The following PLEKHM3 variants were observed in gnomAD, a reference collection of about 807,000 sequenced individuals.
The protein encoded by PLEKHM3 is pleckstrin homology domain containing M3.
A neutral mutation model predicts 81.8 loss-of-function variants in PLEKHM3; 45 were observed. The ratio of observed to expected loss-of-function variants is 0.55; its 90% CI spans 0.43 to 0.71. The LOEUF (loss-of-function observed/expected upper bound fraction) is 0.71. PLEKHM3 is among the 30% of genes least tolerant of loss of function. PLEKHM3 has a pLI of 0.00. For missense variants in PLEKHM3, 788 were observed against 924.3 expected (o/e 0.85, Z 1.91); for synonymous variants, 352 against 356.4 (o/e 0.99, Z 0.14).
intron 3 of PLEKHM3, among the ~76,000 whole-genome samples, chr2:207,967,197 G>A (rs988476936): frequency 1.3e-5 from 2 of 151,968 alleles, no homozygotes; most frequent in African/African-American, 4.8e-5. Context: ...GTCTTGCTAT[G>A]TTGCTCAGGC....
chr2:207,944,703 C>T (rs1690063720), intron 4 of PLEKHM3, among the ~76,000 whole-genome samples: 1 of 152,156 alleles, frequency 6.6e-6, no homozygotes, highest in South Asian at 2.1e-4. Context: ...TACCTACTGG[C>T]CCCTATGGCT....
At chr2:207,922,931 C>G (rs549544121) in intron 5 of PLEKHM3, among the ~76,000 whole-genome samples, 17 of 152,152 alleles carry the variant, frequency 1.1e-4, no homozygotes, top group Non-Finnish European at 2.1e-4. Flanking sequence ...AGAGGCAGCA[C>G]TTGAGTTGGC....
chr2:207,952,519 T>C (rs1211978249), intron 3 of PLEKHM3, among the ~76,000 whole-genome samples: 1 of 152,222 alleles, frequency 6.6e-6, no homozygotes, highest in Non-Finnish European at 1.5e-5. Flanking sequence ...TCTCTAACCA[T>C]TGGCTCATTA....
At chr2:208,020,950 A>T (rs1460630357) in intron 1 of PLEKHM3, among the ~76,000 whole-genome samples, 1 of 152,218 alleles carries the variant, frequency 6.6e-6, no homozygotes, top group Admixed American at 6.5e-5. Flanking sequence ...AATCCTAAAA[A>T]AACTGCCCAG....
At chr2:207,931,883 G>A (rs1484702606) in intron 4 of PLEKHM3, among the ~76,000 whole-genome samples, 3 of 152,226 alleles carry the variant, frequency 2.0e-5, no homozygotes, top group African/African-American at 7.2e-5. Flanking sequence ...TAAGGCGGGA[G>A]AATTGCTTGA....
chr2:207,989,794 T>C (rs1691839529), intron 2 of PLEKHM3, among the ~76,000 whole-genome samples: 1 of 152,228 alleles, frequency 6.6e-6, no homozygotes, highest in African/African-American at 2.4e-5. Flanking sequence ...CATCAGACAG[T>C]TGGAGGATGC....
chr2:207,883,670 C>T (rs1687783310), intron 6 of PLEKHM3, among the ~76,000 whole-genome samples: 1 of 152,092 alleles, frequency 6.6e-6, no homozygotes, highest in Admixed American at 6.5e-5. Flanking sequence ...CAGCACTCAA[C>T]TAACATGGGT....
Position 207,976,620 on chromosome 2 carries a change from A to T in PLEKHM3, c.1546+31T>A, listed in dbSNP as rs1023176643. On this transcript the variant is annotated intron_variant, in intron 3 of 7. Transcript: ENST00000427836. The surrounding 1 kb of genome is among the most constrained non-coding windows in gnomAD (Gnocchi z 4.1). ...TTGTGGGGTTCAGGATTGTTCTTTA[A>T]TGAGCTATAGGCTGAAAATCTGCTT... The T allele has an allele frequency of 1.3e-6, 2 of 1,580,210 alleles. No homozygotes were observed. The highest frequency in any genetic ancestry group is 2.7e-5 in the African/African-American group (2 of 73,900).
chr2:207,842,249 T>C (rs922885053), intron 7 of PLEKHM3, among the ~76,000 whole-genome samples: 3 of 152,204 alleles, frequency 2.0e-5, no homozygotes, highest in East Asian at 1.9e-4. Context: ...CTTTTTATTA[T>C]AGTTTTATTT....
rs890575627 is a variant in PLEKHM3 at position 207,845,803 on chromosome 2, A to T, written c.2108+15302T>A. ...AGTTACTAAGTGTTGTCTTAGATGG[A>T]GCAGTGAGCAAAATATAAAAAGTCT... is the stretch of plus-strand genomic sequence containing the variant. On this transcript the variant is annotated intron_variant, in intron 7 of 7. Coordinates refer to ENST00000427836, the MANE Select transcript of PLEKHM3 (RefSeq NM_001080475.3). 1.0e-3 allele frequency among the ~76,000 whole-genome samples: 159 copies of T among 152,344 alleles called. 1 individual carries two copies. Among genetic ancestry groups the T allele is most frequent in the African/African-American group, 3.8e-3 (156 of 41,578 alleles).
intron 1 of PLEKHM3, among the ~76,000 whole-genome samples, chr2:208,012,166 C>T (rs1038892707): frequency 6.6e-6 from 1 of 151,194 alleles, no homozygotes; most frequent in Non-Finnish European, 1.5e-5. Context: ...CTCAGCCTCC[C>T]GAGTAGCTGG....
At chr2:207,998,923 C>T (rs1393348066) in intron 2 of PLEKHM3, among the ~76,000 whole-genome samples, 1 of 152,070 alleles carries the variant, frequency 6.6e-6, no homozygotes, top group Non-Finnish European at 1.5e-5. Context: ...ACTGCTTGTA[C>T]ATGAGCTCAA....
At position 207,946,412 on chromosome 2, in the gene PLEKHM3, G is replaced by A; in HGVS notation, c.1647C>T (p.Leu549=). 6.2e-7 allele frequency: 1 copy of A among 1,614,200 alleles called. No individual in the cohort carries two copies. Residue 549 remains leucine, a synonymous_variant, in exon 4 of 8, where the codon CTC becomes CTT. Coordinates refer to ENST00000427836, the MANE Select transcript of PLEKHM3 (RefSeq NM_001080475.3). ...AGTTGTGGACTATGCGTGCTGGAATGAGAAAGCTGTCATCCACGTGGCAGC... is the reference window on the plus strand; with the variant it reads ...AGTTGTGGACTATGCGTGCTGGAATAAGAAAGCTGTCATCCACGTGGCAGC... ...CSSCHVDDSF[L]IPARIVHNWD...
rs869041855 is a variant in PLEKHM3 at position 207,923,905 on chromosome 2, AT to A, written c.1886+7020del. Among the ~76,000 whole-genome samples, 143 of 28,344 alleles carry A rather than the reference AT, an allele frequency of 5.0e-3. 1 individual carries two copies. Among genetic ancestry groups the A allele is most frequent in the Admixed American group, 0.017 (22 of 1,294 alleles). 18.6% of individuals were successfully genotyped at this position (28,344 alleles called of 152,430 possible). A position where few individuals can be genotyped will look rare whatever the true frequency, so the allele number is the denominator to read the frequency against. On this transcript the variant is annotated intron_variant, in intron 5 of 7. Transcript: ENST00000427836. ...CATATATATATATATATATATATAT[AT>A]TTTTTTTTTTTTTTTTTTCTGAGGC...
At chr2:207,999,942 T>C (rs1692241138) in intron 2 of PLEKHM3, among the ~76,000 whole-genome samples, 1 of 152,230 alleles carries the variant, frequency 6.6e-6, no homozygotes, top group South Asian at 2.1e-4. Flanking sequence ...GTCTCCTAGT[T>C]AATTGAGTAG....
At chr2:207,930,675 C>A (rs376668356) in intron 5 of PLEKHM3, among the ~76,000 whole-genome samples, 317 of 152,208 alleles carry the variant, frequency 2.1e-3, no homozygotes, top group Middle Eastern at 6.8e-3. Flanking sequence ...CCTGGGCACT[C>A]GATCCATGGG....
intron 3 of PLEKHM3, among the ~76,000 whole-genome samples, chr2:207,972,416 G>A (rs920190771): frequency 2.0e-5 from 3 of 151,922 alleles, no homozygotes; most frequent in East Asian, 3.9e-4. Flanking sequence ...GCAAAACCCC[G>A]TCTCTACTAA....
At chr2:207,936,283 T>A (rs1405117677) in intron 4 of PLEKHM3, among the ~76,000 whole-genome samples, 1 of 152,138 alleles carries the variant, frequency 6.6e-6, no homozygotes, top group African/African-American at 2.4e-5. Flanking sequence ...ATTTGTGTAT[T>A]TTTTTTACTG....
At chr2:207,858,180 A>ATATATATATATATT (rs751293954) in intron 7 of PLEKHM3, among the ~76,000 whole-genome samples, 41 of 103,846 alleles carry the variant, frequency 3.9e-4, no homozygotes, top group African/African-American at 1.3e-3. Context: ...GTGTGTATAT[A>ATATATATATATATT]TTTTTTTTTT....
Sources: gnomAD v4.1 joint callset for allele counts (sites outside exome capture counted in the v4.1 genomes callset) on GRCh38, gnomAD v4.1.1 for gene constraint, Gnocchi (gnomAD v3.1) non-coding constraint, MANE v1.5 for transcripts, NCBI Gene and HGNC (gene_info 2026-07-23, HGNC 2026-07-21) for gene names.